Variants in AHI1 observed in about 807,000 individuals in gnomAD.
AHI1 encodes the protein jouberin.
Under a neutral mutation model 149.3 loss-of-function variants are expected in AHI1, and 123 were observed. The observed-to-expected ratio is 0.82, with a 90% CI of 0.71 to 0.96. The LOEUF (loss-of-function observed/expected upper bound fraction) is 0.96. Ranked by LOEUF, AHI1 falls within the 40% of genes least tolerant of loss-of-function variation. The pLI, the probability that AHI1 is intolerant of heterozygous loss-of-function variation, is 0.00. For missense variants in AHI1, 1,439 were observed against 1,422.7 expected (o/e 1.01, Z -0.18); for synonymous variants, 475 against 459.8 (o/e 1.03, Z -0.42).
chr6:135,418,473 T>G (rs1162634040), intron 20 of AHI1, among the ~76,000 whole-genome samples: 1 of 152,134 alleles, frequency 6.6e-6, no homozygotes, highest in Non-Finnish European at 1.5e-5. Context: ...CTTGGTGCTT[T>G]TGTGTATGTT....
rs562509590 is a variant in AHI1, at chr6:135,405,133, A to G, written c.2962-156T>C. ...CCGTTGTCACTCTGCATTGTTTCCA[A>G]TGAAAGAGACTTAATGACATGTTCA... is the stretch of plus-strand genomic sequence containing the variant. On this transcript the variant is annotated intron_variant, in intron 21 of 28. Transcript: ENST00000265602. 2.0e-4 allele frequency among the ~76,000 whole-genome samples: 31 copies of G among 152,290 alleles called. No individual in the cohort carries two copies. In the South Asian group the frequency reaches 6.0e-3, roughly 30 times the overall value.
intron 23 of AHI1, among the ~76,000 whole-genome samples, chr6:135,364,290 G>A (rs1237946962): frequency 4.6e-5 from 7 of 150,736 alleles, no homozygotes; most frequent in South Asian, 2.1e-4. Flanking sequence ...CATCTCAGAC[G>A]ATGGGCGGCC....
At chr6:135,473,009 G>A (rs182727150) in intron 5 of AHI1, among the ~76,000 whole-genome samples, 2 of 151,824 alleles carry the variant, frequency 1.3e-5, no homozygotes, top group East Asian at 3.9e-4. Flanking sequence ...TTCTTTTATG[G>A]TTCATGTTTT....
intron 24 of AHI1, among the ~76,000 whole-genome samples, chr6:135,342,306 C>G (rs1790500529): frequency 6.6e-6 from 1 of 151,816 alleles, no homozygotes; most frequent in Non-Finnish European, 1.5e-5. Context: ...AAACACTGCC[C>G]AGAATGCATC....
intron 14 of AHI1, among the ~76,000 whole-genome samples, chr6:135,440,758 C>T (rs926041290): frequency 6.6e-6 from 1 of 152,116 alleles, no homozygotes; most frequent in Non-Finnish European, 1.5e-5. Flanking sequence ...ACATCAATGG[C>T]AACACATGAC....
chr6:135,407,739 A>G (rs570571380), intron 21 of AHI1, among the ~76,000 whole-genome samples: 43 of 152,270 alleles, frequency 2.8e-4, no homozygotes, highest in Non-Finnish European at 4.7e-4. Context: ...TCTGCCGGGC[A>G]CAGTGGCTCA....
At chr6:135,456,551 A>G (rs1342338402) in intron 9 of AHI1, among the ~76,000 whole-genome samples, 1 of 152,056 alleles carries the variant, frequency 6.6e-6, no homozygotes, top group Non-Finnish European at 1.5e-5. Flanking sequence ...TCTCAAAAAA[A>G]AAAAAAAAAG....
At chr6:135,489,160 G>C (rs2128132412) in intron 5 of AHI1, among the ~76,000 whole-genome samples, 1 of 152,092 alleles carries the variant, frequency 6.6e-6, no homozygotes, top group Middle Eastern at 3.4e-3. Context: ...CTGTTCTTTT[G>C]AGCTGCGAAA....
At chr6:135,495,740 GA>G (rs1795874183) in intron 3 of AHI1, 73 bp downstream of exon 3, 1 of 152,282 alleles carries the variant, frequency 6.6e-6, no homozygotes, top group South Asian at 2.1e-4. Context: ...GAAGAAGAGA[GA>G]AGCGAAGTGA....
chr6:135,454,611 T>G (rs927359666), intron 10 of AHI1, among the ~76,000 whole-genome samples: 4 of 152,170 alleles, frequency 2.6e-5, no homozygotes, highest in Admixed American at 1.3e-4. Context: ...CAAGTTGTCC[T>G]CAACACTTAA....
chr6:135,351,721 G>A (rs1792142082), intron 24 of AHI1, among the ~76,000 whole-genome samples: 4 of 152,204 alleles, frequency 2.6e-5, no homozygotes, highest in Admixed American at 2.6e-4. Context: ...CATCTGACAG[G>A]TGATGGGGTA....
At chr6:135,362,856 T>C (rs1439458331) in intron 23 of AHI1, among the ~76,000 whole-genome samples, 7 of 152,010 alleles carry the variant, frequency 4.6e-5, no homozygotes, top group Non-Finnish European at 7.4e-5. Flanking sequence ...TGCAGAAGCC[T>C]TTTAGTTTAA....
At chr6:135,480,494 A>T (rs1237309167) in intron 5 of AHI1, among the ~76,000 whole-genome samples, 1 of 152,020 alleles carries the variant, frequency 6.6e-6, no homozygotes, top group East Asian at 1.9e-4. Flanking sequence ...ACAAAAGTAT[A>T]CTTCTATTTA....
chr6:135,448,069 T>C (rs891377990), intron 12 of AHI1, among the ~76,000 whole-genome samples: 4 of 152,322 alleles, frequency 2.6e-5, no homozygotes, highest in Non-Finnish European at 5.9e-5. Flanking sequence ...GAAAATCAAA[T>C]TATAACAAAA....
chr6:135,425,334 T>C (rs1783777118), intron 20 of AHI1, among the ~76,000 whole-genome samples: 1 of 151,952 alleles, frequency 6.6e-6, no homozygotes, highest in African/African-American at 2.4e-5. Flanking sequence ...TATATTCTAA[T>C]AAATTGACCT....
chr6:135,331,633 T>C (rs1284198598), intron 24 of AHI1, among the ~76,000 whole-genome samples: 3 of 152,226 alleles, frequency 2.0e-5, no homozygotes, highest in Admixed American at 6.5e-5. Flanking sequence ...GCAGCATAGC[T>C]GTTCCTTACA....
chr6:135,301,817 C>T (rs895890769), intron 26 of AHI1: 36 of 985,206 alleles, frequency 3.7e-5, no homozygotes, highest in South Asian at 2.8e-4. Flanking sequence ...TACATACACA[C>T]GGGAAATTTC....
At chr6:135,492,656 T>G (rs558162035) in intron 3 of AHI1, 1 of 985,428 alleles carries the variant, frequency 1.0e-6, no homozygotes, top group African/African-American at 1.7e-5. Flanking sequence ...ATCTCAGGAT[T>G]GACTTTCCTA....
intron 20 of AHI1, among the ~76,000 whole-genome samples, chr6:135,426,524 G>A (rs1473063134): frequency 6.6e-6 from 1 of 151,392 alleles, no homozygotes; most frequent in Non-Finnish European, 1.5e-5. Flanking sequence ...TTTCATTTTT[G>A]TACAATACTA....
Sources: allele counts gnomAD v4.1 joint callset (sites outside exome capture counted in the v4.1 genomes callset), GRCh38; gene constraint gnomAD v4.1.1; transcripts MANE v1.5; gene names NCBI Gene and HGNC (gene_info 2026-07-23, HGNC 2026-07-21).